The following SHPRH variants were observed in gnomAD, a reference collection of about 807,000 sequenced individuals.
The protein encoded by SHPRH is SNF2 histone linker PHD RING helicase.
Under a neutral mutation model 202.5 loss-of-function variants are expected in SHPRH, and 106 were observed. The observed-to-expected ratio is 0.52, with a 90% CI of 0.45 to 0.62. The LOEUF is 0.62. Among genes scored for constraint, SHPRH ranks in the 20% least tolerant of loss-of-function variants. The pLI is 0.00. For synonymous variants in SHPRH, 729 were observed against 686.0 expected (o/e 1.06, Z -0.98); for missense variants, 1,710 against 2,020.0 (o/e 0.85, Z 2.94).
intron 1 of SHPRH, among the ~76,000 whole-genome samples, chr6:145,958,059 T>C (rs1487501532): frequency 1.3e-5 from 2 of 152,180 alleles, no homozygotes; most frequent in Non-Finnish European, 2.9e-5. Context: ...GAAAGCTAGA[T>C]GTGAAAGACT....
intron 24 of SHPRH, among the ~76,000 whole-genome samples, chr6:145,911,567 C>G (rs1783498298): frequency 6.6e-6 from 1 of 152,148 alleles, no homozygotes; most frequent in Admixed American, 6.6e-5. Flanking sequence ...GGTGTAAGTT[C>G]TAAAAGCTAT....
chr6:145,912,155 G>C (rs951429077), intron 24 of SHPRH, among the ~76,000 whole-genome samples: 19 of 151,820 alleles, frequency 1.3e-4, no homozygotes, highest in African/African-American at 4.6e-4. Context: ...AAACAGAAGA[G>C]ACAAATGGCA....
downstream of SHPRH, among the ~76,000 whole-genome samples, chr6:145,882,085 G>C (rs1333775384): frequency 2.0e-4 from 30 of 148,910 alleles, no homozygotes; most frequent in Non-Finnish European, 2.1e-4. Flanking sequence ...AACAGAGACT[G>C]TGTCTCAAAA....
chr6:145,910,273 C>T (rs1217910237), intron 25 of SHPRH, 175 bp downstream of exon 25: 1 of 635,970 alleles, frequency 1.6e-6, no homozygotes, highest in Non-Finnish European at 2.7e-6. Flanking sequence ...GTTCCTCCTA[C>T]AATTAAAAAT....
At chr6:145,878,151 A>G (rs1780387712) in intron 2 of SHPRH, 1 of 152,156 alleles carries the variant, frequency 6.6e-6, no homozygotes, top group Non-Finnish European at 1.5e-5. Context: ...CTAATAGACT[A>G]TTTTCTACGA....
In SHPRH at chr6:145,934,399, G is replaced by A. The variant is rs547530019; in HGVS notation, c.2990+508C>T. 1.6e-3 allele frequency among the ~76,000 whole-genome samples: 238 copies of A among 144,258 alleles called. 1 individual carries two copies. The highest frequency in any genetic ancestry group is 6.9e-3 in the Middle Eastern group (2 of 290). 94.6% of individuals were successfully genotyped at this position (144,258 alleles called of 152,430 possible). A position where few individuals can be genotyped will look rare whatever the true frequency, so the allele number is the denominator to read the frequency against. The stretch of plus-strand genomic sequence containing the variant: ...GAGAATTGCTGGAACCCAGGAGGCA[G>A]AGATTGCAGTGAGCTGAGATTGTGC... On this transcript the variant is annotated intron_variant, in intron 13 of 29. Transcript: ENST00000275233.
rs754169167 is a variant in SHPRH, at chr6:145,943,199, G to A, written c.2182C>T (p.His728Tyr). 6.2e-7 allele frequency: 1 copy of A among 1,613,476 alleles called. No individual in the cohort carries two copies. The change falls in exon 9 of 30, where the codon CAC becomes TAC. Residue 728 changes from histidine to tyrosine, a missense_variant. Coordinates refer to ENST00000275233, the MANE Select transcript of SHPRH (RefSeq NM_001042683.3). ...CTGTTGATCTCATCCACCCACTGGT[G>A]ACAGATGGAACTTGGAGAGATGATC... is the stretch of plus-strand genomic sequence containing the variant. ...TLIISPSSIC[H>Y]QWVDEINRHV...
Position 145,943,333 on chromosome 6 carries a change from C to T in SHPRH, c.2048G>A (p.Trp683Ter). 6.2e-7 allele frequency: 1 copy of T among 1,613,818 alleles called. No individual in the cohort carries two copies. Among genetic ancestry groups the T allele is most frequent in the Non-Finnish European group, 8.5e-7 (1 of 1,179,936 alleles). The change falls in exon 9 of 30, where the codon TGG becomes TAG. Residue 683 changes from tryptophan (W) to a stop codon, truncating the protein, a stop_gained. Transcript: ENST00000275233. LOFTEE classifies it high-confidence loss of function. ...ATAATTCACACACTTTGCATGTTGC[C>T]ACAGGTGACACTTCAGGCATTGAAC... ...PRVQCLKCHLWQHAKCVNYDE... is the reference protein window; with the variant it reads ...PRVQCLKCHL
chr6:145,879,847 G>T (rs1399496241), downstream of SHPRH, among the ~76,000 whole-genome samples: 1 of 147,854 alleles, frequency 6.8e-6, no homozygotes, highest in Non-Finnish European at 1.5e-5. Flanking sequence ...GGGAGTAGGA[G>T]GTTGTGGTGA....
At chr6:145,909,119 C>T (rs1171215970) in intron 25 of SHPRH, 1 of 151,982 alleles carries the variant, frequency 6.6e-6, no homozygotes, top group African/African-American at 2.4e-5. Flanking sequence ...GTTTTGGTAC[C>T]ATTCTGTTTT....
chr6:145,946,158 T>C, intron 7 of SHPRH, 75 bp downstream of exon 7: 2 of 1,033,506 alleles, frequency 1.9e-6, no homozygotes, highest in East Asian at 2.7e-5. Flanking sequence ...AATTACAAGA[T>C]ATCTCTAAGG....
chr6:145,933,317 AT>A, intron 13 of SHPRH, 139 bp from the exon 14 acceptor site: 1 of 1,224,746 alleles, frequency 8.2e-7, no homozygotes, highest in Non-Finnish European at 1.1e-6. Context: ...TTTCGCCTCA[AT>A]TTTTACCATT....
intron 1 of SHPRH, among the ~76,000 whole-genome samples, chr6:145,960,897 T>C (rs1276483368): frequency 2.0e-5 from 3 of 152,060 alleles, no homozygotes; most frequent in African/African-American, 7.2e-5. Flanking sequence ...GGGGGTTGTT[T>C]AGGGATGAAA....
intron 23 of SHPRH, among the ~76,000 whole-genome samples, chr6:145,913,936 T>C (rs117396049): frequency 0.022 from 3,386 of 152,200 alleles, 48 homozygotes; most frequent in Admixed American, 0.032. Context: ...AACCAATGAA[T>C]TATTCTTTTC....
At chr6:145,880,359 T>C (rs557305305), downstream of SHPRH, among the ~76,000 whole-genome samples, 5 of 152,272 alleles carry the variant, frequency 3.3e-5, no homozygotes, top group Admixed American at 2.6e-4. Context: ...CTGAGTGCAG[T>C]GGCTCATGCC....
At position 145,954,849 on chromosome 6, in the gene SHPRH, T is replaced by C; in HGVS notation, c.474A>G (p.Glu158=). The C allele has an allele frequency of 6.2e-7, 1 of 1,613,850 alleles. No homozygotes were observed. The part of the protein sequence containing the change: ...QFLIYVHSKG[E]DVEKQKKEPM... ...GTTCTTTTTTTTGTTTCTCTACATCTTCACCTTTTGAATGAACATAAATCA... is the reference window on the plus strand; with the variant it reads ...GTTCTTTTTTTTGTTTCTCTACATCCTCACCTTTTGAATGAACATAAATCA... The change falls in exon 2 of 30, where the codon GAA becomes GAG. Residue 158 remains glutamate, a synonymous_variant. Coordinates refer to ENST00000275233, the MANE Select transcript of SHPRH (RefSeq NM_001042683.3).
At chr6:145,910,970 A>G (rs1406826167) in intron 24 of SHPRH, among the ~76,000 whole-genome samples, 2 of 152,282 alleles carry the variant, frequency 1.3e-5, no homozygotes, top group African/African-American at 4.8e-5. Flanking sequence ...ATTAATTTGG[A>G]GATAATATCA....
intron 17 of SHPRH, 85 bp downstream of exon 17, chr6:145,924,654 T>C: frequency 9.1e-7 from 1 of 1,103,396 alleles, no homozygotes; most frequent in Non-Finnish European, 1.4e-6. Flanking sequence ...GTATAAGAAA[T>C]TCAAGTTTCT....
chr6:145,885,011 T>G lies in SHPRH; in HGVS notation c.*1680A>C, dbSNP rs1780876660. 1 of 152,178 alleles carries G rather than the reference T, an allele frequency of 6.6e-6. No individual in the cohort carries two copies. Among genetic ancestry groups the G allele is most frequent in the Admixed American group, 6.6e-5 (1 of 15,260 alleles). The allele number at this position is 152,178 out of a possible 1,614,324, so 9.4% of individuals were successfully genotyped here. Reference sequence around the variant, plus strand: ...AAGAAATACTGAAATAGTCTCATTTTTAAATTATAAGCATGGGCCTTCTGA... The same window carrying G: ...AAGAAATACTGAAATAGTCTCATTTGTAAATTATAAGCATGGGCCTTCTGA... On this transcript the variant is annotated 3_prime_UTR_variant, in exon 30 of 30. Coordinates refer to ENST00000275233, the MANE Select transcript of SHPRH (RefSeq NM_001042683.3).
Sources: gnomAD v4.1 joint callset for allele counts (sites outside exome capture counted in the v4.1 genomes callset) on GRCh38, gnomAD v4.1.1 for gene constraint, MANE v1.5 for transcripts, NCBI Gene and HGNC (gene_info 2026-07-23, HGNC 2026-07-21) for gene names.